Variants in ACSBG2 observed in about 807,000 individuals in gnomAD.
ACSBG2 encodes long-chain-fatty-acid--CoA ligase ACSBG2.
ACSBG2 carries 62 observed loss-of-function variants against 74.7 expected under a neutral mutation model. The ratio of observed to expected loss-of-function variants is 0.83; its 90% confidence interval spans 0.68 to 1.03. ACSBG2 has a LOEUF of 1.03. Ranked by LOEUF, ACSBG2 falls within the 50% of genes least tolerant of loss-of-function variation. The pLI is 0.00. For synonymous variants in ACSBG2, 309 were observed against 294.1 expected (o/e 1.05, Z -0.52); for missense variants, 730 against 817.6 (o/e 0.89, Z 1.31).
intron 13 of ACSBG2, among the ~76,000 whole-genome samples, chr19:6,188,795 T>C (rs1307561021): frequency 6.6e-6 from 1 of 151,896 alleles, no homozygotes; most frequent in Non-Finnish European, 1.5e-5. Flanking sequence ...CATTGATTGG[T>C]TGAGGTAAAG....
chr19:6,187,276 G>A lies in ACSBG2; in HGVS notation c.1541-7G>A. On this transcript the variant is annotated splice_polypyrimidine_tract_variant and splice_region_variant and intron_variant, in intron 11 of 14. Coordinates refer to ENST00000588485, the MANE Select transcript of ACSBG2 (RefSeq NM_030924.5). ...CTGGACATGTACCAAGCCAAGCTCTGTTCCAGAAATCCTTATCACTGCTGG... is the reference window on the plus strand; with the variant it reads ...CTGGACATGTACCAAGCCAAGCTCTATTCCAGAAATCCTTATCACTGCTGG... The A allele has an allele frequency of 1.2e-6, 2 of 1,614,098 alleles. No individual in the cohort carries two copies. The highest frequency in any genetic ancestry group is 1.7e-6 in the Non-Finnish European group (2 of 1,180,012).
chr19:6,156,082 A>C (rs529574900), intron 4 of ACSBG2, among the ~76,000 whole-genome samples: 3 of 152,238 alleles, frequency 2.0e-5, no homozygotes, highest in African/African-American at 7.2e-5. Flanking sequence ...AAGGCTGTGA[A>C]TGATGGGAAC....
chr19:6,151,322 T>C (rs955632280), intron 3 of ACSBG2, among the ~76,000 whole-genome samples: 4 of 152,156 alleles, frequency 2.6e-5, no homozygotes, highest in Non-Finnish European at 4.4e-5. Flanking sequence ...TTTTGTTTTG[T>C]TTTGAAACAG....
At chr19:6,138,243 T>A (rs1377302790) in intron 1 of ACSBG2, among the ~76,000 whole-genome samples, 1 of 152,106 alleles carries the variant, frequency 6.6e-6, no homozygotes, top group Non-Finnish European at 1.5e-5. Context: ...TCATGTCGTC[T>A]GAGACACAGT....
chr19:6,161,301 T>C lies in ACSBG2; in HGVS notation c.588+6T>C. Reference sequence around the variant, plus strand: ...AGAACAACAACTTGTACTCTGTAAGTGTGGGAGGTGGGCACTGGGGAAAGG... The same window carrying C: ...AGAACAACAACTTGTACTCTGTAAGCGTGGGAGGTGGGCACTGGGGAAAGG... On this transcript the variant is annotated splice_donor_region_variant and intron_variant, in intron 6 of 14. Coordinates refer to ENST00000588485, the MANE Select transcript of ACSBG2 (RefSeq NM_030924.5). The C allele has an allele frequency of 1.9e-6, 3 of 1,611,206 alleles. No homozygotes were observed. The highest frequency in any genetic ancestry group is 2.2e-5 in the East Asian group (1 of 44,800).
chr19:6,160,347 G>A (rs1023859249), intron 5 of ACSBG2, among the ~76,000 whole-genome samples: 1 of 145,200 alleles, frequency 6.9e-6, no homozygotes, highest in Non-Finnish European at 1.5e-5. Context: ...CTGAGATAGC[G>A]CCACTGCACT....
intron 5 of ACSBG2, chr19:6,160,754 T>C (rs538861227): frequency 1.4e-4 from 22 of 155,170 alleles, no homozygotes; most frequent in Non-Finnish European, 2.9e-4. Context: ...ACCAAGTCAT[T>C]TGGAGTCAGT....
intron 13 of ACSBG2, among the ~76,000 whole-genome samples, chr19:6,189,505 G>C (rs2090500723): frequency 6.6e-6 from 1 of 152,012 alleles, no homozygotes; most frequent in Non-Finnish European, 1.5e-5. Context: ...ACACAGGGAA[G>C]TGACTTGTCC....
chr19:6,183,166 G>A lies in ACSBG2; in HGVS notation c.1216G>A (p.Ala406Thr), dbSNP rs147905009. 28 of 1,614,216 alleles carry A rather than the reference G, an allele frequency of 1.7e-5. No individual in the cohort carries two copies. The African/African-American group carries it at 3.6e-4, about 21-fold the overall frequency. The change falls in exon 10 of 15, where the codon GCC becomes ACC. Residue 406 changes from alanine (A) to threonine (T), a missense_variant. Ala to Thr is a moderately conservative substitution (Grantham distance 58). Coordinates refer to ENST00000588485, the MANE Select transcript of ACSBG2 (RefSeq NM_030924.5). ...SGTAPLNQET[A>T]EFFLSLDIPI... ...GACTGCGCCCCTCAACCAAGAGACT[G>A]CCGAGTTCTTTCTAAGCTTGGACAT...
At chr19:6,152,502 G>A (rs1158659966) in intron 4 of ACSBG2, among the ~76,000 whole-genome samples, 1 of 31,668 alleles carries the variant, frequency 3.2e-5, no homozygotes, top group Non-Finnish European at 7.9e-5. Context: ...TTGTTAGCCA[G>A]GATGGTCTCG....
chr19:6,136,152 C>CT (rs369519317), intron 1 of ACSBG2, among the ~76,000 whole-genome samples: 76 of 147,488 alleles, frequency 5.2e-4, no homozygotes, highest in African/African-American at 1.9e-3. Context: ...GTTGCCCAGG[C>CT]GCAATCTCGG....
chr19:6,185,795 AC>A, intron 11 of ACSBG2, 142 bp downstream of exon 11: 1 of 799,964 alleles, frequency 1.3e-6, no homozygotes. Context: ...AGTCTGTACA[AC>A]CCAGCTCTAT....
chr19:6,192,088 A>AAAAAAAAAAAAAAAAAAC (rs2090581176), intron 14 of ACSBG2: 1 of 151,802 alleles, frequency 6.6e-6, no homozygotes. Flanking sequence ...AAAAAAAAAA[A>AAAAAAAAAAAAAAAAAAC]AAAAAAAATA....
At chr19:6,137,642 GTATT>G (rs902962168) in intron 1 of ACSBG2, among the ~76,000 whole-genome samples, 16 of 151,988 alleles carry the variant, frequency 1.1e-4, no homozygotes, top group African/African-American at 2.2e-4. Flanking sequence ...ATGTATTTAT[GTATT>G]TATTTATTTA....
intron 8 of ACSBG2, among the ~76,000 whole-genome samples, chr19:6,181,484 T>C (rs2090254157): frequency 1.3e-5 from 2 of 152,188 alleles, no homozygotes; most frequent in Admixed American, 1.3e-4. Context: ...AATTTGTGGT[T>C]TGCAAATACT....
chr19:6,185,596 GGGGATCTGGGCCAGCTGGACGGTCT>G lies in ACSBG2; in HGVS notation c.1487_1511del (p.Asp496ValfsTer42), dbSNP rs750819035. 8.1e-6 allele frequency: 13 copies of G among 1,614,202 alleles called. No homozygotes were observed. The highest frequency in any genetic ancestry group is 1.7e-5 in the Admixed American group (1 of 60,014). On this transcript the variant is annotated frameshift_variant, in exon 11 of 15. Transcript: ENST00000588485. LOFTEE classifies it high-confidence loss of function. ...CGATGATGAAGGCTGGCTACACTCT[GGGGATCTGGGCCAGCTGGACGGTCT>G]GGGTTTCCTCTATGTCACCGGCCAC...
At chr19:6,163,783 CAAA>C (rs1278911071) in intron 6 of ACSBG2, among the ~76,000 whole-genome samples, 4,185 of 81,066 alleles carry the variant, frequency 0.052, 170 homozygotes, top group African/African-American at 0.13. Flanking sequence ...AAATAAAATA[CAAA>C]AAAAAAAAAA....
chr19:6,154,290 T>C (rs2089338333), intron 4 of ACSBG2, among the ~76,000 whole-genome samples: 1 of 150,278 alleles, frequency 6.7e-6, no homozygotes, highest in Non-Finnish European at 1.5e-5. Flanking sequence ...CCCAGCTACT[T>C]GGAGGGCTGA....
intron 13 of ACSBG2, chr19:6,189,650 G>A (rs1166978252): frequency 6.6e-6 from 1 of 152,122 alleles, no homozygotes; most frequent in African/African-American, 2.4e-5. Context: ...TCCCACCTCA[G>A]CCTCCTGAGT....
Sources: allele counts gnomAD v4.1 joint callset (sites outside exome capture counted in the v4.1 genomes callset), GRCh38; gene constraint gnomAD v4.1.1; transcripts MANE v1.5; gene names NCBI Gene and HGNC (gene_info 2026-07-23, HGNC 2026-07-21).